NFASC: variants seen among roughly 807,000 people sequenced by gnomAD.
NFASC encodes neurofascin, also known as neurofascin homolog.
In NFASC, 43 loss-of-function variants were observed where a neutral mutation model predicts 147.5. The ratio of observed to expected loss-of-function variants is 0.29; its 90% CI spans 0.23 to 0.38. The LOEUF (loss-of-function observed/expected upper bound fraction) is 0.38. NFASC is among the 10% of genes least tolerant of loss of function. The probability of loss-of-function intolerance (pLI) is 1.00; values close to 1 mark genes in which losing one functional copy is unlikely to be tolerated. For missense variants in NFASC, 1,320 were observed against 1,689.0 expected (o/e 0.78, Z 3.83); for synonymous variants, 622 against 665.5 (o/e 0.93, Z 1.01).
chr1:204,925,299 TA>T (rs2091292376), intron 2 of NFASC, among the ~76,000 whole-genome samples: 1 of 152,158 alleles, frequency 6.6e-6, no homozygotes, highest in South Asian at 2.1e-4. Flanking sequence ...CTTTTAAACA[TA>T]AGAAAACAGA....
chr1:204,849,057 T>A (rs2075428571), intron 1 of NFASC, among the ~76,000 whole-genome samples: 1 of 152,206 alleles, frequency 6.6e-6, no homozygotes, highest in Admixed American at 6.5e-5. Flanking sequence ...CTCACACACC[T>A]CTGTTAATAG....
chr1:204,927,325 C>A (rs886248318), intron 2 of NFASC, among the ~76,000 whole-genome samples: 4 of 152,148 alleles, frequency 2.6e-5, no homozygotes, highest in Admixed American at 2.0e-4. Context: ...TGGAATCATA[C>A]AATATGCGGT....
At chr1:204,996,658 T>C (rs955259072) in intron 24 of NFASC, among the ~76,000 whole-genome samples, 2 of 152,188 alleles carry the variant, frequency 1.3e-5, no homozygotes, top group Non-Finnish European at 2.9e-5. Flanking sequence ...TTTGGGCTCA[T>C]GCAGGCATGA....
chr1:204,997,122 G>C (rs374185095), intron 24 of NFASC, 48 bp from the exon 25 acceptor site: 1,343 of 1,575,556 alleles, frequency 8.5e-4, no homozygotes, highest in Non-Finnish European at 1.1e-3. Context: ...GTCCAGGCTG[G>C]GCACAGCCAA....
chr1:204,886,353 G>T (rs1213380189), intron 1 of NFASC, among the ~76,000 whole-genome samples: 1 of 152,018 alleles, frequency 6.6e-6, no homozygotes, highest in Non-Finnish European at 1.5e-5. Flanking sequence ...TCTCATTTTT[G>T]TAAAAAGTAA....
At chr1:204,829,490 C>G (rs1571769182) in intron 1 of NFASC, among the ~76,000 whole-genome samples, 1 of 152,102 alleles carries the variant, frequency 6.6e-6, no homozygotes. Context: ...GCCTCTGGAC[C>G]CCCCTTCCCT....
At chr1:204,991,424 C>T (rs1025345808) in intron 24 of NFASC, 118 bp downstream of exon 24, 3 of 1,090,848 alleles carry the variant, frequency 2.8e-6, no homozygotes, top group Non-Finnish European at 4.1e-6. Context: ...CCAGACTCAC[C>T]CTTTCAGTGG....
chr1:204,886,847 T>C (rs1291804794), intron 1 of NFASC, among the ~76,000 whole-genome samples: 1 of 152,196 alleles, frequency 6.6e-6, no homozygotes, highest in South Asian at 2.1e-4. Flanking sequence ...AGCATGACTG[T>C]AGGTTCTTAC....
chr1:204,904,415 AT>A (rs2085338013), intron 1 of NFASC, among the ~76,000 whole-genome samples: 1 of 152,302 alleles, frequency 6.6e-6, no homozygotes, highest in African/African-American at 2.4e-5. Flanking sequence ...CAAATTTCTA[AT>A]GTGTAAAGTC....
chr1:204,968,687 T>C lies in NFASC; in HGVS notation c.819-111T>C, dbSNP rs1186081995. The C allele has an allele frequency of 9.7e-6, 9 of 929,512 alleles. No homozygotes were observed. Among genetic ancestry groups the C allele is most frequent in the South Asian group, 3.5e-5 (2 of 57,800 alleles). The allele number at this position is 929,512 out of a possible 1,614,324, so 57.6% of individuals were successfully genotyped here. Reference sequence around the variant, plus strand: ...AAGATCAGCTTTTAGAGGACATGCATCCTCCTGGGCCCAAGTATACTTTTA... The same window carrying C: ...AAGATCAGCTTTTAGAGGACATGCACCCTCCTGGGCCCAAGTATACTTTTA... On this transcript the variant is annotated intron_variant, in intron 9 of 29. Transcript: ENST00000339876. This position sits in a 1 kb window ranked among gnomAD's most constrained non-coding sequence, Gnocchi z 5.4.
chr1:204,944,500 A>G (rs1188222863), intron 3 of NFASC, 94 bp downstream of exon 3: 4 of 973,318 alleles, frequency 4.1e-6, no homozygotes, highest in South Asian at 3.5e-5. Context: ...CAGATAATCC[A>G]AGGAGATTGA....
chr1:204,962,736 T>C (rs559943003), intron 8 of NFASC, among the ~76,000 whole-genome samples: 15 of 152,278 alleles, frequency 9.9e-5, no homozygotes, highest in African/African-American at 3.6e-4. Flanking sequence ...AAGATGAGTA[T>C]AAATGAGGTG....
At chr1:204,944,450 GGCA>G in intron 3 of NFASC, 44 bp downstream of exon 3, 1 of 1,356,944 alleles carries the variant, frequency 7.4e-7, no homozygotes, top group Non-Finnish European at 1.0e-6. Context: ...CCTGATTTTG[GGCA>G]GAGGGGTGGG....
At chr1:204,991,826 G>A (rs568848760) in intron 24 of NFASC, among the ~76,000 whole-genome samples, 27 of 152,326 alleles carry the variant, frequency 1.8e-4, no homozygotes, top group Non-Finnish European at 3.2e-4. Flanking sequence ...CAGCCACCAC[G>A]GGCTCTGCTC....
intron 8 of NFASC, among the ~76,000 whole-genome samples, chr1:204,966,501 G>T (rs182317989): frequency 6.6e-6 from 1 of 152,274 alleles, no homozygotes; most frequent in East Asian, 1.9e-4. Context: ...CATGTGTCTT[G>T]GTTGTTTTGG....
At chr1:204,868,323 T>G (rs948895922) in intron 1 of NFASC, among the ~76,000 whole-genome samples, 2 of 152,174 alleles carry the variant, frequency 1.3e-5, no homozygotes, top group Non-Finnish European at 1.5e-5. Flanking sequence ...CCAGACCTCT[T>G]TGGAGGGAGC....
At chr1:204,861,724 C>A (rs201461578) in intron 1 of NFASC, among the ~76,000 whole-genome samples, 2 of 151,392 alleles carry the variant, frequency 1.3e-5, no homozygotes, top group African/African-American at 4.9e-5. Context: ...CTCCTGACCT[C>A]GTGATCTGCC....
At chr1:204,909,226 C>T (rs1385630041) in intron 1 of NFASC, among the ~76,000 whole-genome samples, 1 of 152,196 alleles carries the variant, frequency 6.6e-6, no homozygotes, top group Non-Finnish European at 1.5e-5. Flanking sequence ...TCTCATTTCT[C>T]CACATCTGCA....
rs376055778 is a variant in NFASC at position 204,875,792 on chromosome 1, C to T, written c.-199-44840C>T. On this transcript the variant is annotated intron_variant, in intron 1 of 29. Transcript: ENST00000339876. ...GTAGATACCAGCCACCCTGTTCCTC[C>T]CCACTCCCACAAATCTCCAACCAAG... is the stretch of plus-strand genomic sequence containing the variant. Among the ~76,000 whole-genome samples, 105 of 152,258 alleles carry T rather than the reference C, an allele frequency of 6.9e-4. 1 individual carries two copies. In the South Asian group the frequency reaches 0.021, roughly 31 times the overall value.
Sources: allele counts gnomAD v4.1 joint callset (sites outside exome capture counted in the v4.1 genomes callset), GRCh38; gene constraint gnomAD v4.1.1; non-coding constraint Gnocchi (gnomAD v3.1); transcripts MANE v1.5; gene names NCBI Gene and HGNC (gene_info 2026-07-23, HGNC 2026-07-21).